OIT3: variants seen among roughly 807,000 people sequenced by gnomAD.
OIT3 encodes the protein oncoprotein-induced transcript 3 protein.
A neutral mutation model predicts 52.2 loss-of-function variants in OIT3; 41 were observed. The observed-to-expected ratio is 0.79, with a 90% confidence interval of 0.61 to 1.02. The LOEUF (loss-of-function observed/expected upper bound fraction) is 1.02, where lower values mean the gene tolerates loss of function less well. Ranked by LOEUF, OIT3 falls within the 50% of genes least tolerant of loss-of-function variation. OIT3 has a pLI of 0.00. For missense variants in OIT3, 634 were observed against 715.5 expected, an observed-to-expected ratio of 0.89 and a Z score of 1.30; for synonymous variants, 244 against 276.9, an observed-to-expected ratio of 0.88 and a Z score of 1.18.
At chr10:72,924,112 A>C in intron 6 of OIT3, 117 bp from the exon 7 acceptor site, 1 of 919,556 alleles carries the variant, frequency 1.1e-6, no homozygotes, top group Non-Finnish European at 1.6e-6. Context: ...ATCCTTAGGC[A>C]ACCAAATCTC....
chr10:72,919,849 C>T (rs976810405), intron 6 of OIT3, among the ~76,000 whole-genome samples: 2 of 152,138 alleles, frequency 1.3e-5, no homozygotes, highest in Admixed American at 6.5e-5. Flanking sequence ...ATTCAGTTTG[C>T]CAGTATTTTG....
At chr10:72,904,151 C>A (rs1845958227) in intron 3 of OIT3, among the ~76,000 whole-genome samples, 1 of 152,114 alleles carries the variant, frequency 6.6e-6, no homozygotes, top group Non-Finnish European at 1.5e-5. Context: ...GTGCCTGCAG[C>A]CCCCAGTCAC....
intron 6 of OIT3, chr10:72,913,721 C>A: frequency 1.7e-6 from 1 of 598,612 alleles, no homozygotes; most frequent in South Asian, 1.5e-5. Context: ...AGACATTTTC[C>A]TGAATGCATC....
rs1419564501 is a variant in OIT3, at chr10:72,916,406, A to G, written c.951+2938A>G. ...TGTTCTCATCATTTAGCTCCCACTT[A>G]TAAGTGAGAACATGTGGTATTTGGT... On this transcript the variant is annotated intron_variant, in intron 6 of 8. Coordinates refer to ENST00000334011, the MANE Select transcript of OIT3 (RefSeq NM_152635.3). 3.9e-5 allele frequency among the ~76,000 whole-genome samples: 6 copies of G among 152,202 alleles called. No homozygotes were observed. In the East Asian group the frequency reaches 1.2e-3, roughly 29 times the overall value.
rs562216811 is a variant in OIT3, at chr10:72,929,413, TG to T, written c.1368-1124del. Among the ~76,000 whole-genome samples, 22 of 149,402 alleles carry T rather than the reference TG, an allele frequency of 1.5e-4. 1 individual carries two copies. The highest frequency in any genetic ancestry group is 3.0e-4 in the Non-Finnish European group (20 of 67,530). ...TAGAATGGGAAAAATAATATGAGGG[TG>T]ATTCTTGGCCTATAAGAAGTTTCAT... On this transcript the variant is annotated intron_variant, in intron 7 of 8. Transcript: ENST00000334011.
At chr10:72,914,049 A>G (rs935687088) in intron 6 of OIT3, among the ~76,000 whole-genome samples, 6 of 152,244 alleles carry the variant, frequency 3.9e-5, no homozygotes, top group African/African-American at 1.4e-4. Flanking sequence ...GGACAAACAC[A>G]GGAGCAGTCA....
chr10:72,905,808 A>G (rs1220356071), intron 3 of OIT3, among the ~76,000 whole-genome samples: 3 of 152,176 alleles, frequency 2.0e-5, no homozygotes, highest in African/African-American at 4.8e-5. Context: ...GAGGGGATAC[A>G]TCTTCTGGGG....
Position 72,910,646 on chromosome 10 carries a change from T to G in OIT3, c.668-1071T>G, listed in dbSNP as rs187066241. Among the ~76,000 whole-genome samples, 22 of 152,350 alleles carry G rather than the reference T, an allele frequency of 1.4e-4. 1 individual carries two copies. Among genetic ancestry groups the G allele is most frequent in the African/African-American group, 5.3e-4 (22 of 41,580 alleles). The stretch of plus-strand genomic sequence containing the variant: ...CCAAATAACTGCTTTTTAAAAACTA[T>G]TATTGAACTGAGAGAGTTATAGCTA... On this transcript the variant is annotated intron_variant, in intron 4 of 8. Transcript: ENST00000334011.
rs577075396 is a variant in OIT3, at chr10:72,908,920, A to T, written c.667+2202A>T. On this transcript the variant is annotated intron_variant, in intron 4 of 8. Transcript: ENST00000334011. ...TGATAATTATATGTTCTTTTTTTTT[A>T]AAAAAAAGGCCCTTTTTAATTTTTT... 1.5e-3 allele frequency among the ~76,000 whole-genome samples: 222 copies of T among 150,862 alleles called. 1 individual carries two copies. The highest frequency in any genetic ancestry group is 3.4e-3 in the Middle Eastern group (1 of 292).
In OIT3 at chr10:72,921,679, T is replaced by C. The variant is rs7894362; in HGVS notation, c.952-2550T>C. Among the ~76,000 whole-genome samples the C allele has an allele frequency of 9.1e-3, 1,373 of 150,946 alleles. 21 individuals are homozygous for C. Among genetic ancestry groups the C allele is most frequent in the African/African-American group, 0.028 (1,165 of 41,178 alleles). On this transcript the variant is annotated intron_variant, in intron 6 of 8. Transcript: ENST00000334011. ...ATTCTTTTCTTTTCTTTCTTTCTTT[T>C]TTTTTTTTTTTTTAAGACAGTCTTG...
chr10:72,927,913 C>T (rs187474738), intron 7 of OIT3, among the ~76,000 whole-genome samples: 1 of 152,202 alleles, frequency 6.6e-6, no homozygotes, highest in Non-Finnish European at 1.5e-5. Flanking sequence ...CTAAAAAATC[C>T]TTTTTCCTTT....
rs191842788 is a variant in OIT3 at position 72,932,438 on chromosome 10, C to A, written c.1552C>A (p.Arg518Ser). Residue 518 changes from arginine (R) to serine (S), a missense_variant, in exon 9 of 9, where the codon CGT (arginine) becomes AGT (serine). Physicochemically the swap from Arg to Ser is moderately radical, Grantham distance 110 (BLOSUM62 -1). Coordinates refer to ENST00000334011, the MANE Select transcript of OIT3 (RefSeq NM_152635.3). ...TGCCCAGGGTTGCCACCGGCGAATG[C>A]GTCGTGGGGCAGGAGGAGAGGACTC... ...RCAQGCHRRM[R>S]RGAGGEDSAG... The A allele has an allele frequency of 3.1e-6, 5 of 1,614,040 alleles. No individual in the cohort carries two copies. In the South Asian group the frequency reaches 4.4e-5, roughly 14 times the overall value.
intron 3 of OIT3, among the ~76,000 whole-genome samples, chr10:72,903,314 C>A (rs1480009894): frequency 6.6e-6 from 1 of 152,098 alleles, no homozygotes; most frequent in South Asian, 2.1e-4. Flanking sequence ...CAACCTCCAC[C>A]TCCCAGGTTC....
At chr10:72,927,994 C>T (rs544933756) in intron 7 of OIT3, among the ~76,000 whole-genome samples, 26 of 152,102 alleles carry the variant, frequency 1.7e-4, no homozygotes, top group Non-Finnish European at 3.5e-4. Flanking sequence ...TTGAATGAGT[C>T]TTTATAATAA....
chr10:72,910,965 T>C (rs1316896044), intron 4 of OIT3, among the ~76,000 whole-genome samples: 2 of 152,172 alleles, frequency 1.3e-5, no homozygotes, highest in Non-Finnish European at 2.9e-5. Flanking sequence ...GAAGATAATG[T>C]CCAAGTCCCA....
At chr10:72,911,328 A>C (rs1438085159) in intron 4 of OIT3, among the ~76,000 whole-genome samples, 1 of 152,200 alleles carries the variant, frequency 6.6e-6, no homozygotes, top group African/African-American at 2.4e-5. Flanking sequence ...ATATTCCATC[A>C]GTCTCTTTTA....
At chr10:72,901,597 C>T (rs1225339302) in intron 3 of OIT3, among the ~76,000 whole-genome samples, 1 of 151,988 alleles carries the variant, frequency 6.6e-6, no homozygotes, top group Non-Finnish European at 1.5e-5. Flanking sequence ...GCATAAAAGG[C>T]TTATTGGTTT....
intron 6 of OIT3, among the ~76,000 whole-genome samples, chr10:72,916,718 G>C (rs1846076143): frequency 6.6e-6 from 1 of 152,114 alleles, no homozygotes. Context: ...TAGGTCAAAG[G>C]GTAGTTCTGT....
intron 3 of OIT3, among the ~76,000 whole-genome samples, chr10:72,903,411 AG>A (rs1254059303): frequency 6.6e-6 from 1 of 152,184 alleles, no homozygotes; most frequent in Non-Finnish European, 1.5e-5. Flanking sequence ...TATTTTTAGT[AG>A]AGACAGGGTT....
Sources: allele counts gnomAD v4.1 joint callset (sites outside exome capture counted in the v4.1 genomes callset), GRCh38; gene constraint gnomAD v4.1.1; transcripts MANE v1.5; gene names NCBI Gene and HGNC (gene_info 2026-07-23, HGNC 2026-07-21).